EFL1: variants seen among roughly 807,000 people sequenced by gnomAD.
The protein encoded by EFL1 is elongation factor-like GTPase 1.
In EFL1, 76 loss-of-function variants were observed where a neutral mutation model predicts 126.7. The observed-to-expected ratio is 0.60, with a 90% confidence interval of 0.50 to 0.73. EFL1 has a LOEUF of 0.73. EFL1 is among the 30% of genes least tolerant of loss of function. The pLI is 0.00. For missense variants in EFL1, 1,128 were observed against 1,343.2 expected, an observed-to-expected ratio of 0.84 and a Z score of 2.50; for synonymous variants, 410 against 448.4, an observed-to-expected ratio of 0.91 and a Z score of 1.08.
At chr15:82,251,669 A>C (rs62012059) in intron 4 of EFL1, among the ~76,000 whole-genome samples, 23,917 of 152,208 alleles carry the variant, frequency 0.16, 2,424 homozygotes, top group Non-Finnish European at 0.24. Flanking sequence ...GTTAAACATT[A>C]AACATCGAGA....
intron 4 of EFL1, among the ~76,000 whole-genome samples, chr15:82,250,756 G>A (rs2075013617): frequency 6.6e-6 from 1 of 152,108 alleles, no homozygotes; most frequent in Non-Finnish European, 1.5e-5. Flanking sequence ...CTTGGATCCA[G>A]AATAAAAATC....
chr15:82,131,683 T>C (rs1191211334), intron 19 of EFL1, among the ~76,000 whole-genome samples: 3 of 151,936 alleles, frequency 2.0e-5, no homozygotes, highest in African/African-American at 4.8e-5. Context: ...TCCCAGCTAC[T>C]TGGGAGGCTG....
At chr15:82,180,901 T>C (rs531886374) in intron 15 of EFL1, among the ~76,000 whole-genome samples, 1 of 152,272 alleles carries the variant, frequency 6.6e-6, no homozygotes, top group South Asian at 2.1e-4. Flanking sequence ...TTAATTTTTG[T>C]ATTTTTTGTA....
chr15:82,205,189 C>T (rs2074512025), intron 15 of EFL1, among the ~76,000 whole-genome samples: 1 of 152,214 alleles, frequency 6.6e-6, no homozygotes, highest in African/African-American at 2.4e-5. Flanking sequence ...GTCCCTCTGG[C>T]ACTTTACTCA....
intron 4 of EFL1, among the ~76,000 whole-genome samples, chr15:82,249,740 G>A (rs2075004662): frequency 6.6e-6 from 1 of 152,036 alleles, no homozygotes; most frequent in African/African-American, 2.4e-5. Flanking sequence ...CCCAATATTT[G>A]TAGCAAATTT....
At chr15:82,246,808 A>G (rs768245147) in intron 4 of EFL1, among the ~76,000 whole-genome samples, 3 of 152,108 alleles carry the variant, frequency 2.0e-5, no homozygotes. Context: ...GTCTGCTGAG[A>G]TTGTGGAGGA....
At chr15:82,189,991 C>T (rs900038383) in intron 15 of EFL1, among the ~76,000 whole-genome samples, 1 of 151,860 alleles carries the variant, frequency 6.6e-6, no homozygotes, top group Non-Finnish European at 1.5e-5. Flanking sequence ...ATGGTGCGTG[C>T]CTGTAGTCCC....
At chr15:82,209,610 T>C (rs1181058945) in intron 15 of EFL1, among the ~76,000 whole-genome samples, 1 of 152,232 alleles carries the variant, frequency 6.6e-6, no homozygotes, top group Non-Finnish European at 1.5e-5. Flanking sequence ...GCAGCAAATA[T>C]TTATTTTTAG....
At chr15:82,138,438 G>GTGTGTGTA (rs2073748008) in intron 19 of EFL1, among the ~76,000 whole-genome samples, 2 of 151,778 alleles carry the variant, frequency 1.3e-5, no homozygotes, top group South Asian at 4.2e-4. Flanking sequence ...GTATGTGTGT[G>GTGTGTGTA]TGTGTGTGTG....
chr15:82,164,117 G>A (rs753395409), intron 15 of EFL1, 133 bp from the exon 16 acceptor site: 37 of 1,111,284 alleles, frequency 3.3e-5, no homozygotes, highest in Non-Finnish European at 4.5e-5. Context: ...GAAATGAGGC[G>A]GACCTGCACT....
At chr15:82,181,766 T>C (rs1469700637) in intron 15 of EFL1, among the ~76,000 whole-genome samples, 3 of 152,144 alleles carry the variant, frequency 2.0e-5, no homozygotes, top group Non-Finnish European at 2.9e-5. Context: ...TTTCCTGTGT[T>C]ACATTCAAAT....
intron 18 of EFL1, among the ~76,000 whole-genome samples, chr15:82,146,640 C>T (rs966753712): frequency 2.7e-5 from 4 of 147,632 alleles, no homozygotes; most frequent in Non-Finnish European, 6.0e-5. Context: ...CAGACTGACT[C>T]TAAATGTAAC....
At chr15:82,257,077 G>C (rs533391048) in intron 3 of EFL1, among the ~76,000 whole-genome samples, 1 of 152,298 alleles carries the variant, frequency 6.6e-6, no homozygotes, top group African/African-American at 2.4e-5. Context: ...CAGAACTAGA[G>C]AGTTAAACCA....
chr15:82,159,560 T>C lies in EFL1; in HGVS notation c.1883-1700A>G, dbSNP rs1488058405. On this transcript the variant is annotated intron_variant, in intron 16 of 19. Transcript: ENST00000268206. ...GAAAATGTTGCCGCTGACAGCTATT[T>C]GGTTGCCAAAGATAACATAAATACT... 2.0e-5 allele frequency among the ~76,000 whole-genome samples: 3 copies of C among 152,252 alleles called. No individual in the cohort carries two copies. The East Asian group carries it at 5.8e-4, about 29-fold the overall frequency.
intron 16 of EFL1, among the ~76,000 whole-genome samples, chr15:82,160,349 T>C (rs1305309867): frequency 1.3e-5 from 2 of 152,194 alleles, no homozygotes; most frequent in African/African-American, 2.4e-5. Context: ...AGAGACACGA[T>C]GCTGAACGCT....
At chr15:82,197,108 T>A (rs1304931104) in intron 15 of EFL1, among the ~76,000 whole-genome samples, 1 of 152,174 alleles carries the variant, frequency 6.6e-6, no homozygotes, top group African/African-American at 2.4e-5. Context: ...TGAAACTGAT[T>A]ATGTAAACTG....
chr15:82,191,245 G>A (rs62012005), intron 15 of EFL1, among the ~76,000 whole-genome samples: 4,632 of 152,014 alleles, frequency 0.03, 100 homozygotes, highest in Non-Finnish European at 0.047. Flanking sequence ...GAAATCTTTG[G>A]GGCTACTAAT....
chr15:82,209,310 G>GAC (rs1439189664), intron 15 of EFL1, among the ~76,000 whole-genome samples: 2,994 of 94,868 alleles, frequency 0.032, 107 homozygotes, highest in African/African-American at 0.11. Context: ...TTCACACACA[G>GAC]ACACAGACAC....
At chr15:82,195,179 T>G (rs1224216955) in intron 15 of EFL1, among the ~76,000 whole-genome samples, 1 of 152,182 alleles carries the variant, frequency 6.6e-6, no homozygotes, top group Non-Finnish European at 1.5e-5. Flanking sequence ...ATTTTTCAAA[T>G]GTATTATCCA....
Sources: allele counts gnomAD v4.1 joint callset (sites outside exome capture counted in the v4.1 genomes callset), GRCh38; gene constraint gnomAD v4.1.1; transcripts MANE v1.5; gene names NCBI Gene and HGNC (gene_info 2026-07-23, HGNC 2026-07-21).